Variants in LRIG2 observed in about 807,000 individuals in gnomAD.
LRIG2 encodes the protein leucine-rich repeats and immunoglobulin-like domains protein 2.
In LRIG2, 93 loss-of-function variants were observed where a neutral mutation model predicts 107.8. That is an observed-to-expected ratio of 0.86 (90% confidence interval 0.73 to 1.03). The LOEUF is 1.03. Among genes scored for constraint, LRIG2 ranks in the 50% least tolerant of loss-of-function variants. LRIG2 has a pLI of 0.00. For missense variants in LRIG2, 1,226 were observed against 1,296.0 expected (o/e 0.95, Z 0.83); for synonymous variants, 471 against 470.6 (o/e 1.00, Z -0.01).
intron 2 of LRIG2, among the ~76,000 whole-genome samples, chr1:113,092,676 A>G (rs1557902942): frequency 6.6e-6 from 1 of 152,186 alleles, no homozygotes; most frequent in African/African-American, 2.4e-5. Context: ...ATTAATATCA[A>G]TAGTAGATCA....
rs1655714180 is a variant in LRIG2 at position 113,131,896 on chromosome 1, A to C, written c.*7795A>C. On this transcript the variant is annotated 3_prime_UTR_variant, in exon 18 of 18. Transcript: ENST00000361127. The stretch of plus-strand genomic sequence containing the variant: ...AACAGCTTGACTTGTGCCTGTTTTC[A>C]GATAAAGGAGTAAAGTGATCTACAA... The C allele has an allele frequency of 6.6e-6, 1 of 152,126 alleles. No homozygotes were observed. The highest frequency in any genetic ancestry group is 2.1e-4 in the South Asian group (1 of 4,808). 9.4% of individuals were successfully genotyped at this position (152,126 alleles called of 1,614,324 possible).
chr1:113,109,489 A>G (rs577216537), intron 12 of LRIG2, among the ~76,000 whole-genome samples: 1 of 152,276 alleles, frequency 6.6e-6, no homozygotes, highest in African/African-American at 2.4e-5. Context: ...CCCCCATTTT[A>G]TATTGGCACA....
chr1:113,100,386 G>A (rs1201462583), intron 10 of LRIG2, 34 bp from the exon 11 acceptor site: 5 of 1,429,978 alleles, frequency 3.5e-6, no homozygotes, highest in Admixed American at 3.5e-5. Flanking sequence ...TATAGAAATG[G>A]TGACTGATAA....
chr1:113,091,207 A>T, intron 1 of LRIG2, 111 bp from the exon 2 acceptor site: 1 of 606,036 alleles, frequency 1.7e-6, no homozygotes, highest in Non-Finnish European at 2.8e-6. Flanking sequence ...TACAGGCATG[A>T]GCCACTGTAC....
In LRIG2 at chr1:113,127,177, G is replaced by C. The variant is rs1328365183; in HGVS notation, c.*3076G>C. 3 of 152,206 alleles carry C rather than the reference G, an allele frequency of 2.0e-5. No homozygotes were observed. The highest frequency in any genetic ancestry group is 7.2e-5 in the African/African-American group (3 of 41,542). The allele number at this position is 152,206 out of a possible 1,614,324, so 9.4% of individuals were successfully genotyped here. A position where few individuals can be genotyped will look rare whatever the true frequency, so the allele number is the denominator to read the frequency against. On this transcript the variant is annotated 3_prime_UTR_variant, in exon 18 of 18. Transcript: ENST00000361127. ...ACCAATGTGCAGTATATCTTAAGAA[G>C]GGAAGAGTGCTCTTGGGAGTAGAAG... is the stretch of plus-strand genomic sequence containing the variant.
chr1:113,090,942 C>T (rs1653792312), intron 1 of LRIG2, among the ~76,000 whole-genome samples: 1 of 151,686 alleles, frequency 6.6e-6, no homozygotes. Flanking sequence ...ACCTCTGCCT[C>T]CCGGGTTCAA....
chr1:113,112,405 T>G, intron 13 of LRIG2, 74 bp from the exon 14 acceptor site: 2 of 1,365,184 alleles, frequency 1.5e-6, no homozygotes, highest in East Asian at 4.6e-5. Flanking sequence ...CTAGATTCTT[T>G]CATGCCTATT....
chr1:113,100,187 T>G (rs1416230501), intron 9 of LRIG2, 24 bp from the exon 10 acceptor site: 5 of 1,414,998 alleles, frequency 3.5e-6, no homozygotes, highest in Non-Finnish European at 4.9e-6. Flanking sequence ...AGAGCTTTCT[T>G]AGAAAGATCT....
chr1:113,126,444 T>C lies in LRIG2; in HGVS notation c.*2343T>C. ...TACCTGACCTAGGTGGCCTTGCAAATGTTGACTCAGATTGTGGATTTTCCA... is the reference window on the plus strand; with the variant it reads ...TACCTGACCTAGGTGGCCTTGCAAACGTTGACTCAGATTGTGGATTTTCCA... On this transcript the variant is annotated 3_prime_UTR_variant, in exon 18 of 18. Transcript: ENST00000361127. 6.5e-6 allele frequency: 1 copy of C among 152,708 alleles called. No individual in the cohort carries two copies. The highest frequency in any genetic ancestry group is 1.9e-4 in the East Asian group (1 of 5,272). 9.5% of individuals were successfully genotyped at this position (152,708 alleles called of 1,614,324 possible).
In LRIG2 at chr1:113,091,416, A is replaced by G. The variant is rs1418245842; in HGVS notation, c.305+33A>G. On this transcript the variant is annotated intron_variant, in intron 2 of 17. Coordinates refer to ENST00000361127, the MANE Select transcript of LRIG2 (RefSeq NM_014813.3). ...ATTTTTATTTATTTAAAGTTATGTT[A>G]AATTCCTGAGGGAACTTAATAAATT... is the stretch of plus-strand genomic sequence containing the variant. 6.5e-6 allele frequency: 9 copies of G among 1,394,306 alleles called. No homozygotes were observed. The Admixed American group carries it at 7.6e-5, about 12-fold the overall frequency. The allele number at this position is 1,394,306 out of a possible 1,614,324, so 86.4% of individuals were successfully genotyped here.
At chr1:113,111,068 T>C (rs1025794988) in intron 13 of LRIG2, among the ~76,000 whole-genome samples, 10 of 152,186 alleles carry the variant, frequency 6.6e-5, no homozygotes, top group Non-Finnish European at 1.5e-4. Flanking sequence ...GGAGTCTCGC[T>C]CTGTCGCCCA....
At position 113,119,402 on chromosome 1, in the gene LRIG2, T is replaced by A. The variant is rs749274405; in HGVS notation, c.2850T>A (p.Pro950=). The A allele has an allele frequency of 1.2e-6, 2 of 1,613,940 alleles. No individual in the cohort carries two copies. Among genetic ancestry groups the A allele is most frequent in the South Asian group, 2.2e-5 (2 of 91,054 alleles). ...QMPKETYLVH[P]PQDTTALESL... ...CTAAAGAGACATATTTAGTACATCC[T>A]CCCCAGGATACTACTGCCCTAGAGA... The change falls in exon 17 of 18, where the codon CCT becomes CCA. Residue 950 remains proline, a synonymous_variant. Transcript: ENST00000361127.
At position 113,099,244 on chromosome 1, in the gene LRIG2, C is replaced by CTTTTTTTTTTTTTTTTT. The variant is rs984786053; in HGVS notation, c.1172+470_1172+471insTTTTTTTTTTTTTTTTT. 5.9e-5 allele frequency among the ~76,000 whole-genome samples: 7 copies of CTTTTTTTTTTTTTTTTT among 117,922 alleles called. 3 individuals are homozygous for CTTTTTTTTTTTTTTTTT. Among genetic ancestry groups the CTTTTTTTTTTTTTTTTT allele is most frequent in the Non-Finnish European group, 1.0e-4 (6 of 60,168 alleles). 77.4% of individuals were successfully genotyped at this position (117,922 alleles called of 152,430 possible). A position where few individuals can be genotyped will look rare whatever the true frequency, so the allele number is the denominator to read the frequency against. On this transcript the variant is annotated intron_variant, in intron 9 of 17. Coordinates refer to ENST00000361127, the MANE Select transcript of LRIG2 (RefSeq NM_014813.3). ...GCCACTGAACTTGGCTGGTTTTTTT[C>CTTTTTTTTTTTTTTTTT]TTTTTTTTTTTGAGACAGGGTCTTG...
chr1:113,074,133 A>C (rs912099454), intron 1 of LRIG2, among the ~76,000 whole-genome samples: 1 of 152,174 alleles, frequency 6.6e-6, no homozygotes, highest in African/African-American at 2.4e-5. Context: ...CTTAGTTCGC[A>C]TGTTGGCTGA....
rs759531658 is a variant in LRIG2, at chr1:113,126,022, C to A, written c.*1921C>A. The A allele has an allele frequency of 1.3e-5, 2 of 152,156 alleles. No individual in the cohort carries two copies. Among genetic ancestry groups the A allele is most frequent in the Non-Finnish European group, 2.9e-5 (2 of 68,038 alleles). The allele number at this position is 152,156 out of a possible 1,614,324, so 9.4% of individuals were successfully genotyped here. On this transcript the variant is annotated 3_prime_UTR_variant, in exon 18 of 18. Transcript: ENST00000361127. ...TGGCAAATATTCCCCATGATGAACT[C>A]TTCCTACTATCACAATCAGGACTAT...
chr1:113,081,092 T>A (rs966313631), intron 1 of LRIG2, among the ~76,000 whole-genome samples: 1 of 151,214 alleles, frequency 6.6e-6, no homozygotes, highest in Non-Finnish European at 1.5e-5. Flanking sequence ...CTGCCTACCT[T>A]GGCCTCCCAA....
At chr1:113,095,789 C>T (rs1654034108) in intron 6 of LRIG2, 85 bp from the exon 7 acceptor site, 1 of 1,413,890 alleles carries the variant, frequency 7.1e-7, no homozygotes, top group Non-Finnish European at 9.9e-7. Context: ...GTATATGCTT[C>T]TCTGGGAAAA....
In LRIG2 at chr1:113,110,532, T is replaced by A. The variant is rs1247097524; in HGVS notation, c.1768T>A (p.Tyr590Asn). 6.2e-7 allele frequency: 1 copy of A among 1,610,014 alleles called. No homozygotes were observed. Among genetic ancestry groups the A allele is most frequent in the Non-Finnish European group, 8.5e-7 (1 of 1,176,754 alleles). The change falls in exon 13 of 18, where the codon TAT (tyrosine) becomes AAT (asparagine). Residue 590 changes from tyrosine to asparagine, a missense_variant. This residue lies in a region of LRIG2 where 642 missense variants were observed against 712.2 expected (regional missense o/e 0.90). Transcript: ENST00000361127. ...CIVTNHFGSN[Y>N]SQKAKLTVNE... ...TGTTACTAATCACTTTGGTTCTAAT[T>A]ATTCTCAGAAAGCCAAACTGACTGT...
Position 113,114,787 on chromosome 1 carries a change from T to G in LRIG2, c.2441T>G (p.Val814Gly). 1 of 1,614,196 alleles carries G rather than the reference T, an allele frequency of 6.2e-7. No individual in the cohort carries two copies. Among genetic ancestry groups the G allele is most frequent in the Non-Finnish European group, 8.5e-7 (1 of 1,180,034 alleles). The change falls in exon 15 of 18, where the codon GTC becomes GGC. Residue 814 changes from valine (V) to glycine (G), a missense_variant. Val to Gly is a moderately radical substitution (Grantham distance 109). Coordinates refer to ENST00000361127, the MANE Select transcript of LRIG2 (RefSeq NM_014813.3). ...GTTGGCATTGTCATCATTGTTGTGGTCTGCTGTGTTGTTGGCACTTCTTTG... is the reference window on the plus strand; with the variant it reads ...GTTGGCATTGTCATCATTGTTGTGGGCTGCTGTGTTGTTGGCACTTCTTTG... The part of the protein sequence containing the change: ...TTVGIVIIVV[V>G]CCVVGTSLIW...
Sources: gnomAD v4.1 joint callset for allele counts (sites outside exome capture counted in the v4.1 genomes callset) on GRCh38, gnomAD v4.1.1 for gene constraint, gnomAD v4.1.1 regional missense constraint, MANE v1.5 for transcripts, NCBI Gene and HGNC (gene_info 2026-07-23, HGNC 2026-07-21) for gene names.